Variants in SH3RF3 observed in about 807,000 individuals in gnomAD.
SH3RF3 encodes SH3 domain containing ring finger 3.
SH3RF3 carries 29 observed loss-of-function variants against 66.3 expected under a neutral mutation model. The ratio of observed to expected loss-of-function variants is 0.44; its 90% CI spans 0.33 to 0.60. The LOEUF (loss-of-function observed/expected upper bound fraction) is 0.60. Ranked by LOEUF, SH3RF3 falls within the 20% of genes least tolerant of loss-of-function variation. SH3RF3 has a pLI of 0.04. For synonymous variants in SH3RF3, 583 were observed against 532.0 expected (o/e 1.10, Z -1.32); for missense variants, 1,194 against 1,190.9 (o/e 1.00, Z -0.04).
chr2:109,280,116 G>T (rs1449847970), intron 1 of SH3RF3, among the ~76,000 whole-genome samples: 5 of 151,996 alleles, frequency 3.3e-5, no homozygotes, highest in African/African-American at 4.8e-5. Context: ...CATGTTTTTT[G>T]GGGGCTCCTC....
chr2:109,343,919 T>C (rs1209197738), intron 1 of SH3RF3, among the ~76,000 whole-genome samples: 2 of 152,058 alleles, frequency 1.3e-5, no homozygotes, highest in Non-Finnish European at 2.9e-5. Context: ...TTAAAAAATA[T>C]TATTTTTAGA....
chr2:109,266,389 A>C (rs1680495620), intron 1 of SH3RF3, among the ~76,000 whole-genome samples: 1 of 151,924 alleles, frequency 6.6e-6, no homozygotes, highest in African/African-American at 2.4e-5. Context: ...GGCTGCCCCA[A>C]GCAGGAGTGT....
intron 9 of SH3RF3, among the ~76,000 whole-genome samples, chr2:109,491,223 T>C (rs1174043345): frequency 1.3e-5 from 2 of 152,082 alleles, no homozygotes; most frequent in African/African-American, 2.4e-5. Flanking sequence ...TGAGTGCAAA[T>C]AGTGGGAGAC....
rs1335111934 is a variant in SH3RF3, at chr2:109,299,620, A to G, written c.574-48054A>G. On this transcript the variant is annotated intron_variant, in intron 1 of 9. Transcript: ENST00000309415. ...CTAAAGTTTCCTTGCATGAGCTCAC[A>G]GGAAACCTTGAATTGTAAGGCCCTT... is the stretch of plus-strand genomic sequence containing the variant. Among the ~76,000 whole-genome samples the G allele has an allele frequency of 2.0e-5, 3 of 152,164 alleles. No individual in the cohort carries two copies. The East Asian group carries it at 5.8e-4, about 29-fold the overall frequency.
rs528146350 is a variant in SH3RF3 at position 109,466,584 on chromosome 2, T to C, written c.2148+17095T>C. Among the ~76,000 whole-genome samples the C allele has an allele frequency of 3.9e-5, 6 of 152,338 alleles. No homozygotes were observed. In the South Asian group the frequency reaches 1.2e-3, roughly 32 times the overall value. On this transcript the variant is annotated intron_variant, in intron 8 of 9. Transcript: ENST00000309415. ...TCAGAGCACAAGTTGTTAATTTTCA[T>C]GGAGCCCAATTTATTAACTATTTCA...
chr2:109,473,620 C>A (rs1437923233), intron 8 of SH3RF3, among the ~76,000 whole-genome samples: 1 of 152,136 alleles, frequency 6.6e-6, no homozygotes, highest in Non-Finnish European at 1.5e-5. Flanking sequence ...AAAGCACAAA[C>A]AAGGTTCAAG....
chr2:109,287,918 C>A (rs1197186907), intron 1 of SH3RF3, among the ~76,000 whole-genome samples: 4 of 152,234 alleles, frequency 2.6e-5, no homozygotes, highest in Non-Finnish European at 5.9e-5. Flanking sequence ...TGCCACCTCT[C>A]TACATCCAGG....
intron 9 of SH3RF3, 97 bp from the exon 10 acceptor site, chr2:109,501,406 C>A: frequency 1.7e-6 from 1 of 576,892 alleles, no homozygotes; most frequent in Non-Finnish European, 3.2e-6. Context: ...AAAATAGCAG[C>A]AAATAACAAT....
intron 1 of SH3RF3, among the ~76,000 whole-genome samples, chr2:109,316,015 C>A (rs557927671): frequency 6.6e-6 from 1 of 152,222 alleles, no homozygotes; most frequent in South Asian, 2.1e-4. Flanking sequence ...GCATCAGGGG[C>A]TTTTTTCACC....
chr2:109,322,517 A>G (rs537870426), intron 1 of SH3RF3, among the ~76,000 whole-genome samples: 47 of 152,344 alleles, frequency 3.1e-4, no homozygotes, highest in Non-Finnish European at 5.7e-4. Context: ...AAGCCTATAA[A>G]TAATTTCACA....
intron 1 of SH3RF3, among the ~76,000 whole-genome samples, chr2:109,231,171 A>T (rs929432327): frequency 3.3e-5 from 5 of 152,236 alleles, no homozygotes; most frequent in Admixed American, 1.3e-4. Context: ...GCCAGGCCAG[A>T]GCGGCTTTGC....
chr2:109,206,577 G>A (rs1266044669), intron 1 of SH3RF3, among the ~76,000 whole-genome samples: 7 of 150,776 alleles, frequency 4.6e-5, no homozygotes, highest in Non-Finnish European at 1.0e-4. Context: ...GGGAGGTCAA[G>A]GAGGGAGGAT....
intron 1 of SH3RF3, among the ~76,000 whole-genome samples, chr2:109,307,489 T>C (rs989703460): frequency 6.7e-6 from 1 of 150,176 alleles, no homozygotes; most frequent in East Asian, 2.0e-4. Context: ...TAGTTACATA[T>C]GTATACATGT....
chr2:109,436,743 G>C (rs1274769687), intron 6 of SH3RF3, 150 bp from the exon 7 acceptor site: 2 of 1,256,870 alleles, frequency 1.6e-6, no homozygotes, highest in Admixed American at 5.6e-5. Context: ...CTTCTGCCCA[G>C]TGACGGGCAT....
At chr2:109,501,185 G>A (rs1479250180) in intron 9 of SH3RF3, among the ~76,000 whole-genome samples, 2 of 152,138 alleles carry the variant, frequency 1.3e-5, no homozygotes, top group African/African-American at 2.4e-5. Flanking sequence ...CTAGGTGGGT[G>A]GGCCAGGGCA....
At chr2:109,269,944 G>T (rs996042420) in intron 1 of SH3RF3, among the ~76,000 whole-genome samples, 13 of 152,186 alleles carry the variant, frequency 8.5e-5, no homozygotes, top group African/African-American at 2.4e-5. Context: ...CTAATAAGCT[G>T]GTTGTACAGA....
intron 8 of SH3RF3, among the ~76,000 whole-genome samples, chr2:109,467,350 G>A (rs1054480285): frequency 3.9e-5 from 6 of 152,250 alleles, no homozygotes; most frequent in South Asian, 2.1e-4. Context: ...GAAGGGAAGC[G>A]CAAAATCGGC....
intron 1 of SH3RF3, among the ~76,000 whole-genome samples, chr2:109,135,216 C>T (rs1300551368): frequency 6.6e-6 from 1 of 152,246 alleles, no homozygotes; most frequent in African/African-American, 2.4e-5. Flanking sequence ...TTTCTTGTTA[C>T]ACCCCTGGGG....
intron 1 of SH3RF3, among the ~76,000 whole-genome samples, chr2:109,334,910 T>C (rs1682374356): frequency 6.6e-6 from 1 of 152,228 alleles, no homozygotes; most frequent in African/African-American, 2.4e-5. Flanking sequence ...TCTTTTTGCT[T>C]TTTAGGCTGG....
Sources: gnomAD v4.1 joint callset for allele counts (sites outside exome capture counted in the v4.1 genomes callset) on GRCh38, gnomAD v4.1.1 for gene constraint, MANE v1.5 for transcripts, NCBI Gene and HGNC (gene_info 2026-07-23, HGNC 2026-07-21) for gene names.